Variants in PDE1C observed in about 807,000 individuals in gnomAD.
PDE1C encodes phosphodiesterase 1C.
PDE1C carries 62 observed loss-of-function variants against 93.1 expected under a neutral mutation model. The ratio of observed to expected loss-of-function variants is 0.67; its 90% CI spans 0.54 to 0.82. The LOEUF (loss-of-function observed/expected upper bound fraction) is 0.82. Among genes scored for constraint, PDE1C ranks in the 40% least tolerant of loss-of-function variants. PDE1C has a pLI of 0.00. For missense variants in PDE1C, 742 were observed against 884.6 expected (o/e 0.84, Z 2.04); for synonymous variants, 325 against 310.1 (o/e 1.05, Z -0.50).
chr7:32,152,147 C>G (rs1393465103), intron 3 of PDE1C, among the ~76,000 whole-genome samples: 1 of 152,154 alleles, frequency 6.6e-6, no homozygotes, highest in Non-Finnish European at 1.5e-5. Flanking sequence ...GGGCATGACT[C>G]CATTCTCTGT....
chr7:32,266,236 C>G lies in PDE1C; in HGVS notation c.85+32415G>C, dbSNP rs539597773. ...GGTACAGCTTGCAGTGAGCCGAGAT[C>G]GCGCCACTGCACTCCAGCCTGGGCG... On this transcript the variant is annotated intron_variant, in intron 1 of 18. Coordinates refer to the PDE1C transcript ENST00000396193. 5.3e-5 allele frequency among the ~76,000 whole-genome samples: 8 copies of G among 151,846 alleles called. No individual in the cohort carries two copies. The South Asian group carries it at 1.5e-3, about 28-fold the overall frequency.
At chr7:32,071,141 A>T, upstream of PDE1C, 3 of 984,946 alleles carry the variant, frequency 3.0e-6, no homozygotes, top group Non-Finnish European at 3.6e-6. Flanking sequence ...GGGCACACTC[A>T]CCCCCGCAGG....
chr7:32,196,432 G>A (rs962665050), intron 2 of PDE1C, among the ~76,000 whole-genome samples: 2 of 151,898 alleles, frequency 1.3e-5, no homozygotes, highest in Non-Finnish European at 2.9e-5. Context: ...TTTTCAGCTC[G>A]AAGTCTATGG....
At chr7:31,627,930 T>A in the PDE1C span, among the ~76,000 whole-genome samples, 3 of 152,196 alleles carry the variant, frequency 2.0e-5, no homozygotes, top group Non-Finnish European at 1.5e-5. Context: ...CCAAAAGGGT[T>A]TAACTGAAGA....
intron 1 of PDE1C, among the ~76,000 whole-genome samples, chr7:32,388,635 A>G (rs936748061): frequency 7.2e-6 from 1 of 139,158 alleles, no homozygotes; most frequent in Non-Finnish European, 1.5e-5. Flanking sequence ...CCATGATTGC[A>G]CCGCTGCAAC....
At chr7:32,093,186 C>A (rs986258032) in intron 3 of PDE1C, among the ~76,000 whole-genome samples, 2 of 152,210 alleles carry the variant, frequency 1.3e-5, no homozygotes, top group African/African-American at 2.4e-5. Flanking sequence ...GAGGGTTTAC[C>A]TTTCAGAAGA....
chr7:32,328,572 T>C (rs545649363), intron 1 of PDE1C, among the ~76,000 whole-genome samples: 4 of 152,236 alleles, frequency 2.6e-5, no homozygotes, highest in African/African-American at 9.6e-5. Context: ...CAAGCCAGGC[T>C]CTCTTCCACT....
At chr7:32,066,769 G>A (rs891037339) in intron 1 of PDE1C, among the ~76,000 whole-genome samples, 1 of 149,812 alleles carries the variant, frequency 6.7e-6, no homozygotes, top group Non-Finnish European at 1.5e-5. Context: ...AATTCAGAGG[G>A]ACTCAAAAAC....
chr7:32,198,388 G>A (rs1451090209), intron 2 of PDE1C, among the ~76,000 whole-genome samples: 1 of 152,132 alleles, frequency 6.6e-6, no homozygotes, highest in Non-Finnish European at 1.5e-5. Flanking sequence ...CTGAATAACA[G>A]AAACTCAAAA....
the PDE1C span, among the ~76,000 whole-genome samples, chr7:31,744,436 G>A: frequency 6.6e-5 from 10 of 152,092 alleles, no homozygotes; most frequent in Non-Finnish European, 1.5e-4. Flanking sequence ...AAACTACCTT[G>A]AAGGATTCCC....
chr7:31,943,036 C>T (rs1241165971), intron 2 of PDE1C, among the ~76,000 whole-genome samples: 3 of 152,078 alleles, frequency 2.0e-5, no homozygotes, highest in Non-Finnish European at 4.4e-5. Flanking sequence ...CAGCCCAGGA[C>T]CCCAGGAGAA....
chr7:32,172,516 G>A (rs376033228), intron 2 of PDE1C, among the ~76,000 whole-genome samples: 99 of 152,134 alleles, frequency 6.5e-4, no homozygotes, highest in Non-Finnish European at 7.6e-4. Context: ...CAGTCAGAAC[G>A]GCAATTATTA....
At chr7:32,205,826 A>G (rs536203426) in intron 2 of PDE1C, among the ~76,000 whole-genome samples, 21 of 152,324 alleles carry the variant, frequency 1.4e-4, no homozygotes, top group Admixed American at 1.1e-3. Flanking sequence ...AGTCATTGCC[A>G]AGGTCTGCAG....
chr7:32,127,891 G>A (rs1253563096), intron 3 of PDE1C, among the ~76,000 whole-genome samples: 4 of 151,854 alleles, frequency 2.6e-5, no homozygotes, highest in African/African-American at 7.3e-5. Context: ...AAGAATAAAT[G>A]TATACATTCA....
At chr7:32,067,244 T>G (rs563367984) in intron 1 of PDE1C, among the ~76,000 whole-genome samples, 2 of 152,276 alleles carry the variant, frequency 1.3e-5, no homozygotes, top group South Asian at 4.1e-4. Context: ...GTAAAACAGC[T>G]CTATGTTTCA....
chr7:32,014,109 C>CAG (rs1472290273), intron 2 of PDE1C, among the ~76,000 whole-genome samples: 1 of 152,178 alleles, frequency 6.6e-6, no homozygotes, highest in East Asian at 1.9e-4. Flanking sequence ...GGGATAGCAC[C>CAG]TTCACAATAT....
At chr7:32,069,984 G>A (rs6977210) in intron 1 of PDE1C, among the ~76,000 whole-genome samples, 7,762 of 152,066 alleles carry the variant, frequency 0.051, 286 homozygotes, top group Non-Finnish European at 0.078. Flanking sequence ...TTTCTCCCTG[G>A]GCAAAAAGGA....
intron 2 of PDE1C, among the ~76,000 whole-genome samples, chr7:32,012,356 T>C (rs959345121): frequency 1.1e-4 from 17 of 152,110 alleles, no homozygotes; most frequent in Non-Finnish European, 1.3e-4. Flanking sequence ...CCCAATCATA[T>C]GTGAACTCAC....
chr7:31,737,755 C>T, the PDE1C span, among the ~76,000 whole-genome samples: 481 of 147,666 alleles, frequency 3.3e-3, 3 homozygotes, highest in East Asian at 0.017. Flanking sequence ...GAGCCAAGAT[C>T]GCACCATTGC....
Sources: gnomAD v4.1 joint callset for allele counts (sites outside exome capture counted in the v4.1 genomes callset) on GRCh38, gnomAD v4.1.1 for gene constraint, MANE v1.5 for transcripts, NCBI Gene and HGNC (gene_info 2026-07-23, HGNC 2026-07-21) for gene names.